Variants in ZNF831 observed in about 807,000 individuals in gnomAD.
ZNF831 encodes the protein zinc finger protein 831, also known as chromosome 20 open reading frame 174.
ZNF831 carries 59 observed loss-of-function variants against 95.8 expected under a neutral mutation model. The observed-to-expected ratio is 0.62, with a 90% CI of 0.50 to 0.77. The LOEUF is 0.77. Ranked by LOEUF, ZNF831 falls within the 30% of genes least tolerant of loss-of-function variation. ZNF831 has a pLI of 0.00. For missense variants in ZNF831, 2,205 were observed against 2,164.0 expected (o/e 1.02, Z -0.38); for synonymous variants, 961 against 925.5 (o/e 1.04, Z -0.70).
chr20:59,182,227 AC>A (rs769354455), intron 1 of ZNF831, among the ~76,000 whole-genome samples: 2 of 152,184 alleles, frequency 1.3e-5, no homozygotes, highest in African/African-American at 4.8e-5. Flanking sequence ...TGTGCTGTGA[AC>A]CTGCAAAGCT....
chr20:59,211,702 A>G (rs971722297), intron 4 of ZNF831, among the ~76,000 whole-genome samples: 7 of 151,568 alleles, frequency 4.6e-5, no homozygotes, highest in African/African-American at 1.5e-4. Flanking sequence ...CTTATAAACA[A>G]CTTTCTCGGG....
chr20:59,156,698 G>A (rs11905820), intron 2 of ZNF831, among the ~76,000 whole-genome samples: 3,524 of 152,068 alleles, frequency 0.023, 114 homozygotes, highest in African/African-American at 0.078. Flanking sequence ...GGTGATCACC[G>A]CTGGACTCTC....
chr20:59,180,824 G>A (rs1048188489), intron 1 of ZNF831, among the ~76,000 whole-genome samples: 3 of 152,186 alleles, frequency 2.0e-5, no homozygotes, highest in African/African-American at 7.2e-5. Flanking sequence ...AAATAGTGCT[G>A]CAATAAACAT....
intron 1 of ZNF831, among the ~76,000 whole-genome samples, chr20:59,128,081 T>G (rs1979234002): frequency 6.6e-6 from 1 of 152,194 alleles, no homozygotes; most frequent in African/African-American, 2.4e-5. Flanking sequence ...ATGTGGGGTG[T>G]GGTCTGCATC....
At chr20:59,159,507 G>A (rs1442892379), upstream of ZNF831, 1 of 152,204 alleles carries the variant, frequency 6.6e-6, no homozygotes, top group Non-Finnish European at 1.5e-5. Context: ...TGCATGGGGT[G>A]TTCATCCAAT....
At chr20:59,211,360 G>A (rs1047031333) in intron 4 of ZNF831, among the ~76,000 whole-genome samples, 2 of 152,240 alleles carry the variant, frequency 1.3e-5, no homozygotes, top group African/African-American at 2.4e-5. Context: ...GGGCAGCTGT[G>A]AGCTGCAGGA....
intron 4 of ZNF831, among the ~76,000 whole-genome samples, chr20:59,247,579 T>C (rs1362165992): frequency 1.3e-5 from 2 of 152,256 alleles, no homozygotes; most frequent in African/African-American, 2.4e-5. Flanking sequence ...CAGCTTTCTA[T>C]AAGTAATTGC....
intron 1 of ZNF831, among the ~76,000 whole-genome samples, chr20:59,190,521 A>G (rs59529688): frequency 1.4e-4 from 21 of 152,238 alleles, no homozygotes; most frequent in Non-Finnish European, 1.0e-4. Context: ...CCCATTTTGC[A>G]GATCTGGAAA....
intron 3 of ZNF831, among the ~76,000 whole-genome samples, chr20:59,204,326 A>C (rs1435963391): frequency 6.6e-6 from 1 of 152,238 alleles, no homozygotes; most frequent in East Asian, 1.9e-4. Context: ...TAATGAGAGC[A>C]CAATCTCTGC....
Position 59,192,659 on chromosome 20 carries a change from G to C in ZNF831, c.1640G>C (p.Gly547Ala), listed in dbSNP as rs774930178. 1 of 1,530,254 alleles carries C rather than the reference G, an allele frequency of 6.5e-7. No individual in the cohort carries two copies. 94.8% of individuals were successfully genotyped at this position (1,530,254 alleles called of 1,614,324 possible). The change falls in exon 2 of 6, where the codon GGA becomes GCA. Residue 547 changes from glycine to alanine, a missense_variant. Physicochemically the swap from Gly to Ala is moderately conservative, Grantham distance 60 (BLOSUM62 0). Coordinates refer to ENST00000371030, the MANE Select transcript of ZNF831 (RefSeq NM_178457.3). This position sits in a 1 kb window ranked among gnomAD's most constrained non-coding sequence, Gnocchi z 5.2. The part of the protein sequence containing the change: ...PGPARLGCRS[G>A]LSSTDVPSGH... ...CCAGCCCGCCTGGGCTGCCGCTCGGGACTAAGCTCGACTGACGTTCCCAGT... is the reference window on the plus strand; with the variant it reads ...CCAGCCCGCCTGGGCTGCCGCTCGGCACTAAGCTCGACTGACGTTCCCAGT...
rs186872320 is a variant in ZNF831, at chr20:59,256,858, A to G, written c.*2115A>G. The G allele has an allele frequency of 6.6e-6, 1 of 152,352 alleles. No homozygotes were observed. The highest frequency in any genetic ancestry group is 2.4e-5 in the African/African-American group (1 of 41,566). 9.4% of individuals were successfully genotyped at this position (152,352 alleles called of 1,614,324 possible). ...CCAGAGTTCCAGATTTTAGGGTGCA[A>G]TCATCCAGCCTATACATGTGGCTCA... On this transcript the variant is annotated 3_prime_UTR_variant, in exon 6 of 6. Coordinates refer to ENST00000371030, the MANE Select transcript of ZNF831 (RefSeq NM_178457.3).
At chr20:59,221,926 G>A (rs1291390202) in intron 4 of ZNF831, among the ~76,000 whole-genome samples, 1 of 152,192 alleles carries the variant, frequency 6.6e-6, no homozygotes, top group Non-Finnish European at 1.5e-5. Context: ...ACCCCCGGGT[G>A]CAAAGCACTC....
chr20:59,160,279 A>T (rs1198668624), upstream of ZNF831: 1 of 152,224 alleles, frequency 6.6e-6, no homozygotes, highest in African/African-American at 2.4e-5. Context: ...ATCTATTCCC[A>T]TTCATTTATT....
intron 3 of ZNF831, among the ~76,000 whole-genome samples, chr20:59,206,479 C>T (rs1259142482): frequency 6.6e-6 from 1 of 152,198 alleles, no homozygotes; most frequent in Non-Finnish European, 1.5e-5. Context: ...GACACACTAA[C>T]TACATTTCAA....
upstream of ZNF831, among the ~76,000 whole-genome samples, chr20:59,159,462 G>A (rs575179817): frequency 3.9e-5 from 6 of 152,232 alleles, no homozygotes; most frequent in South Asian, 6.2e-4. Flanking sequence ...TAAAAACATC[G>A]CTGAGGTGGC....
intron 1 of ZNF831, among the ~76,000 whole-genome samples, chr20:59,140,593 A>C (rs1979648387): frequency 1.3e-5 from 2 of 152,212 alleles, no homozygotes; most frequent in South Asian, 4.1e-4. Flanking sequence ...CCTTTCACCC[A>C]GTTTCCTCCA....
chr20:59,200,059 A>T (rs920739782), intron 3 of ZNF831, among the ~76,000 whole-genome samples: 1 of 152,232 alleles, frequency 6.6e-6, no homozygotes, highest in Admixed American at 6.5e-5. Context: ...TTTTGTGGTA[A>T]AGAAAGCCAG....
intron 1 of ZNF831, among the ~76,000 whole-genome samples, chr20:59,175,993 G>T (rs1982125077): frequency 6.6e-6 from 1 of 152,240 alleles, no homozygotes; most frequent in Admixed American, 6.5e-5. Flanking sequence ...TCCTGGGAAG[G>T]ATAGTAGCAC....
intron 1 of ZNF831, among the ~76,000 whole-genome samples, chr20:59,143,484 C>A (rs888749229): frequency 6.6e-6 from 1 of 152,210 alleles, no homozygotes; most frequent in Non-Finnish European, 1.5e-5. Flanking sequence ...ACACAAGCCT[C>A]TCTCCCTTCC....
Sources: gnomAD v4.1 joint callset for allele counts (sites outside exome capture counted in the v4.1 genomes callset) on GRCh38, gnomAD v4.1.1 for gene constraint, Gnocchi (gnomAD v3.1) non-coding constraint, MANE v1.5 for transcripts, NCBI Gene and HGNC (gene_info 2026-07-23, HGNC 2026-07-21) for gene names.